Variants in SPOCK3 observed in about 807,000 individuals in gnomAD.
The protein encoded by SPOCK3 is SPARC (osteonectin), cwcv and kazal like domains proteoglycan 3.
A neutral mutation model predicts 56.6 loss-of-function variants in SPOCK3; 30 were observed. The ratio of observed to expected loss-of-function variants is 0.53; its 90% CI spans 0.40 to 0.72. The LOEUF (loss-of-function observed/expected upper bound fraction) is 0.72, where lower values mean the gene tolerates loss of function less well. Ranked by LOEUF, SPOCK3 falls within the 30% of genes least tolerant of loss-of-function variation. The pLI is 0.00. For synonymous variants in SPOCK3, 196 were observed against 183.3 expected (o/e 1.07, Z -0.56); for missense variants, 527 against 530.0 (o/e 0.99, Z 0.06).
chr4:167,184,085 A>T (rs1014862153), intron 2 of SPOCK3, among the ~76,000 whole-genome samples: 1 of 152,190 alleles, frequency 6.6e-6, no homozygotes, highest in African/African-American at 2.4e-5. Flanking sequence ...ACTGAAAGAA[A>T]TTGTTCTCTT....
chr4:166,928,461 C>G (rs1449453583), intron 4 of SPOCK3, among the ~76,000 whole-genome samples: 4 of 152,080 alleles, frequency 2.6e-5, no homozygotes, highest in Non-Finnish European at 4.4e-5. Context: ...AAGATTCTAA[C>G]TATAAGAAAT....
chr4:166,877,889 G>C (rs994296818), intron 6 of SPOCK3, among the ~76,000 whole-genome samples: 1 of 152,120 alleles, frequency 6.6e-6, no homozygotes, highest in Non-Finnish European at 1.5e-5. Context: ...GCACAGAAAA[G>C]ATTAATTAGT....
intron 4 of SPOCK3, among the ~76,000 whole-genome samples, chr4:166,990,792 T>C (rs886069946): frequency 2.0e-5 from 3 of 152,080 alleles, no homozygotes; most frequent in South Asian, 2.1e-4. Context: ...ATCATCCCAA[T>C]TGATCACTGG....
At chr4:167,147,216 T>G (rs1764035376) in intron 2 of SPOCK3, among the ~76,000 whole-genome samples, 1 of 152,040 alleles carries the variant, frequency 6.6e-6, no homozygotes, top group African/African-American at 2.4e-5. Context: ...CTATAAGAAA[T>G]GGATAAGTTC....
At chr4:166,770,887 T>A (rs1448111948) in intron 7 of SPOCK3, among the ~76,000 whole-genome samples, 1 of 151,870 alleles carries the variant, frequency 6.6e-6, no homozygotes, top group Admixed American at 6.6e-5. Context: ...CACCAGAAAT[T>A]GAGTTAAAAA....
At chr4:166,938,038 C>T (rs148254086) in intron 4 of SPOCK3, among the ~76,000 whole-genome samples, 3,285 of 151,480 alleles carry the variant, frequency 0.022, 108 homozygotes, top group African/African-American at 0.074. Flanking sequence ...CCTATCTGCC[C>T]GCCTCAGCCT....
At chr4:167,119,693 C>T (rs1761710337) in intron 2 of SPOCK3, 1 of 789,948 alleles carries the variant, frequency 1.3e-6, no homozygotes, top group Non-Finnish European at 2.0e-6. Flanking sequence ...AGAAAAACAA[C>T]ACATTTGAAG....
At chr4:166,735,625 G>T (rs923146091) in intron 10 of SPOCK3, among the ~76,000 whole-genome samples, 8 of 152,038 alleles carry the variant, frequency 5.3e-5, no homozygotes, top group Admixed American at 3.3e-4. Flanking sequence ...AGATAGAGTG[G>T]GAAGGAGCTA....
chr4:167,074,954 T>C (rs183975919), intron 2 of SPOCK3, among the ~76,000 whole-genome samples: 19 of 152,056 alleles, frequency 1.2e-4, no homozygotes, highest in African/African-American at 2.9e-4. Context: ...ATCAGGGAAA[T>C]TGAAATATCC....
At chr4:166,963,858 T>G (rs188450378) in intron 4 of SPOCK3, among the ~76,000 whole-genome samples, 1 of 152,014 alleles carries the variant, frequency 6.6e-6, no homozygotes, top group Non-Finnish European at 1.5e-5. Context: ...AGACAATTAT[T>G]ATATCAGATA....
chr4:167,028,374 A>AAACAAC (rs534517585), intron 3 of SPOCK3, among the ~76,000 whole-genome samples: 41 of 139,238 alleles, frequency 2.9e-4, no homozygotes, highest in South Asian at 2.0e-3. Flanking sequence ...GAAACCGGTA[A>AAACAAC]AACAACAACA....
chr4:166,901,984 G>A (rs1736099595), intron 5 of SPOCK3, among the ~76,000 whole-genome samples: 1 of 152,036 alleles, frequency 6.6e-6, no homozygotes, highest in Non-Finnish European at 1.5e-5. Flanking sequence ...GGAAACAAAG[G>A]GCAGATACTG....
At chr4:167,012,791 T>G (rs1750218586) in intron 3 of SPOCK3, among the ~76,000 whole-genome samples, 1 of 152,020 alleles carries the variant, frequency 6.6e-6, no homozygotes, top group African/African-American at 2.4e-5. Flanking sequence ...TAATAAAGCA[T>G]TAAATATGTT....
At chr4:167,179,254 T>C (rs766277349) in intron 2 of SPOCK3, among the ~76,000 whole-genome samples, 15 of 152,270 alleles carry the variant, frequency 9.9e-5, no homozygotes, top group Middle Eastern at 6.8e-3. Context: ...ACGTAGAAAC[T>C]TTCTAGGATG....
At chr4:166,958,543 A>G (rs1743783295) in intron 4 of SPOCK3, among the ~76,000 whole-genome samples, 1 of 152,274 alleles carries the variant, frequency 6.6e-6, no homozygotes, top group African/African-American at 2.4e-5. Context: ...TTGACCCCTC[A>G]GTATTTTCTC....
chr4:167,074,570 A>T (rs1324175974), intron 2 of SPOCK3, among the ~76,000 whole-genome samples: 2 of 151,794 alleles, frequency 1.3e-5, no homozygotes, highest in Non-Finnish European at 2.9e-5. Flanking sequence ...GCGTGAGAGG[A>T]TGGGTAATAT....
At chr4:167,129,299 G>A (rs1762527130) in intron 2 of SPOCK3, among the ~76,000 whole-genome samples, 1 of 152,234 alleles carries the variant, frequency 6.6e-6, no homozygotes, top group Non-Finnish European at 1.5e-5. Flanking sequence ...AAATACGGCT[G>A]TAGAGTATCA....
chr4:167,086,536 G>C (rs1758215735), intron 2 of SPOCK3, among the ~76,000 whole-genome samples: 1 of 152,062 alleles, frequency 6.6e-6, no homozygotes, highest in South Asian at 2.1e-4. Flanking sequence ...TCTGTGGCTT[G>C]AGGAAAGTTA....
intron 6 of SPOCK3, among the ~76,000 whole-genome samples, chr4:166,822,400 C>T (rs941318259): frequency 6.6e-6 from 1 of 152,046 alleles, no homozygotes; most frequent in Non-Finnish European, 1.5e-5. Flanking sequence ...TTTGAACACT[C>T]TTTGGCCATC....
Sources: allele counts gnomAD v4.1 joint callset (sites outside exome capture counted in the v4.1 genomes callset), GRCh38; gene constraint gnomAD v4.1.1; transcripts MANE v1.5; gene names NCBI Gene and HGNC (gene_info 2026-07-23, HGNC 2026-07-21).